AKAP10: variants seen among roughly 807,000 people sequenced by gnomAD.
AKAP10 encodes the protein A-kinase anchoring protein 10.
In AKAP10, 24 loss-of-function variants were observed where a neutral mutation model predicts 80.8. The ratio of observed to expected loss-of-function variants is 0.30; its 90% CI spans 0.22 to 0.42. The LOEUF (loss-of-function observed/expected upper bound fraction) is 0.42. Among genes scored for constraint, AKAP10 ranks in the 10% least tolerant of loss-of-function variants. The pLI is 1.00. For missense variants in AKAP10, 661 were observed against 794.9 expected, an observed-to-expected ratio of 0.83 and a Z score of 2.03; for synonymous variants, 291 against 277.7, an observed-to-expected ratio of 1.05 and a Z score of -0.48.
chr17:19,953,009 A>T (rs2043232486), intron 4 of AKAP10, among the ~76,000 whole-genome samples: 1 of 152,104 alleles, frequency 6.6e-6, no homozygotes, highest in Admixed American at 6.6e-5. Flanking sequence ...ACATTTTAAA[A>T]AATTTTTTAA....
chr17:19,938,031 T>A (rs1339221092), intron 8 of AKAP10, among the ~76,000 whole-genome samples: 2 of 150,000 alleles, frequency 1.3e-5, no homozygotes, highest in Non-Finnish European at 3.0e-5. Flanking sequence ...TTCAAGCAAT[T>A]CTCCTGCCTC....
chr17:19,917,241 G>A (rs2042754689), intron 12 of AKAP10, among the ~76,000 whole-genome samples: 1 of 151,838 alleles, frequency 6.6e-6, no homozygotes, highest in Non-Finnish European at 1.5e-5. Flanking sequence ...CTCCAGCCTG[G>A]CCGACAGAGA....
chr17:19,954,782 G>A (rs2043255160), intron 4 of AKAP10, among the ~76,000 whole-genome samples: 1 of 151,632 alleles, frequency 6.6e-6, no homozygotes, highest in South Asian at 2.1e-4. Context: ...CATAAGCCAT[G>A]GCACCTGGCC....
At chr17:19,956,223 T>C (rs56178618) in intron 4 of AKAP10, among the ~76,000 whole-genome samples, 1,883 of 152,164 alleles carry the variant, frequency 0.012, 37 homozygotes, top group African/African-American at 0.043. Flanking sequence ...ACCAGAAGGG[T>C]AGTGACCCAG....
Position 19,927,337 on chromosome 17 carries a change from AAAACAAAC to A in AKAP10, c.1642-2828_1642-2821del, listed in dbSNP as rs969231579. On this transcript the variant is annotated intron_variant, in intron 10 of 14. Transcript: ENST00000225737. ...CAGCAGAATGAGACCTTATCTTAAA[AAAACAAAC>A]AAACAAACAAACAAAAACCCACCTT... is the stretch of plus-strand genomic sequence containing the variant. Among the ~76,000 whole-genome samples, 5 of 152,006 alleles carry A rather than the reference AAAACAAAC, an allele frequency of 3.3e-5. No individual in the cohort carries two copies. In the South Asian group the frequency reaches 1.0e-3, roughly 32 times the overall value.
chr17:19,919,108 G>A (rs917810494), intron 12 of AKAP10, among the ~76,000 whole-genome samples: 22 of 144,606 alleles, frequency 1.5e-4, no homozygotes, highest in African/African-American at 5.5e-4. Flanking sequence ...CCCAGCGTGT[G>A]ATGTTCCCCA....
intron 14 of AKAP10, 100 bp from the exon 15 acceptor site, chr17:19,906,332 T>C: frequency 2.3e-6 from 3 of 1,309,282 alleles, no homozygotes; most frequent in South Asian, 1.3e-5. Flanking sequence ...GTGTTTACTA[T>C]ATACCAGAGT....
In AKAP10 at chr17:19,931,608, C is replaced by CT. The variant is rs200309511; in HGVS notation, c.1641+196dup. 2.6e-3 allele frequency among the ~76,000 whole-genome samples: 402 copies of CT among 152,180 alleles called. 1 individual carries two copies. The highest frequency in any genetic ancestry group is 9.2e-3 in the African/African-American group (381 of 41,524). ...GTTTCACCATGTCGGCCAGGCTGGT[C>CT]TCGAATTCCTGACCTCGTGTGATCC... On this transcript the variant is annotated intron_variant, in intron 10 of 14. Transcript: ENST00000225737.
intron 4 of AKAP10, among the ~76,000 whole-genome samples, chr17:19,949,801 G>A (rs796848759): frequency 6.6e-6 from 1 of 150,422 alleles, no homozygotes; most frequent in South Asian, 2.1e-4. Flanking sequence ...AAAAAACGGT[G>A]TTATTAAATC....
In AKAP10 at chr17:19,931,877, C is replaced by T. The variant is rs775608208; in HGVS notation, c.1569G>A (p.Ser523=). The T allele has an allele frequency of 9.9e-6, 16 of 1,613,972 alleles. No individual in the cohort carries two copies. The East Asian group carries it at 1.3e-4, about 13-fold the overall frequency. ...RGDEFLGGNV[S]LTAPGSVGPP... ...GGCCAACAGAGCCAGGAGCAGTCAG[C>T]GACACGTTCCCGCCCAGAAATTCAT... The change falls in exon 10 of 15, where the codon TCG becomes TCA. Residue 523 remains serine (S), a synonymous_variant. Coordinates refer to ENST00000225737, the MANE Select transcript of AKAP10 (RefSeq NM_007202.4).
At chr17:19,964,237 A>G (rs1199623350) in intron 2 of AKAP10, among the ~76,000 whole-genome samples, 1 of 152,232 alleles carries the variant, frequency 6.6e-6, no homozygotes, top group East Asian at 1.9e-4. Context: ...TATATAATGT[A>G]AAATGCTACT....
At chr17:19,972,984 C>A (rs116582624) in intron 1 of AKAP10, among the ~76,000 whole-genome samples, 1 of 151,920 alleles carries the variant, frequency 6.6e-6, no homozygotes, top group African/African-American at 2.4e-5. Context: ...ATACAACCCA[C>A]TACCTTTTGT....
chr17:19,913,973 G>A (rs541208972), intron 12 of AKAP10, among the ~76,000 whole-genome samples: 8 of 152,244 alleles, frequency 5.3e-5, no homozygotes, highest in Non-Finnish European at 7.4e-5. Context: ...CCACATAGAG[G>A]TAATATTCTA....
At chr17:19,929,838 G>A (rs203476) in intron 10 of AKAP10, 32,278 of 151,814 alleles carry the variant, frequency 0.21, 3,659 homozygotes, top group Middle Eastern at 0.29. Flanking sequence ...TTAGCCAGGT[G>A]TGGTTGCACA....
intron 5 of AKAP10, 28 bp from the exon 6 acceptor site, chr17:19,941,938 T>C (rs1567763127): frequency 1.2e-6 from 2 of 1,602,186 alleles, no homozygotes; most frequent in East Asian, 2.2e-5. Flanking sequence ...AATAATTAAA[T>C]TGCCACTAAA....
intron 12 of AKAP10, among the ~76,000 whole-genome samples, chr17:19,914,628 CAAAAAAAAAA>C (rs36071856): frequency 1.7e-5 from 1 of 58,514 alleles, no homozygotes; most frequent in Non-Finnish European, 3.3e-5. Context: ...GACCCTATCT[CAAAAAAAAAA>C]AAAAAAAAAA....
intron 12 of AKAP10, among the ~76,000 whole-genome samples, chr17:19,913,161 T>G (rs1350016028): frequency 6.7e-6 from 1 of 150,084 alleles, no homozygotes; most frequent in African/African-American, 2.4e-5. Flanking sequence ...TTGTTTTTTT[T>G]TTTTTTTTTT....
chr17:19,977,563 T>A, intron 1 of AKAP10, 29 bp downstream of exon 1: 1 of 1,231,752 alleles, frequency 8.1e-7, no homozygotes, highest in Non-Finnish European at 1.0e-6. Flanking sequence ...AGGCCCGGCC[T>A]GACTCCCCGC....
intron 14 of AKAP10, 40 bp from the exon 15 acceptor site, chr17:19,906,272 C>T: frequency 6.3e-7 from 1 of 1,591,644 alleles, no homozygotes; most frequent in South Asian, 1.1e-5. Context: ...AGGTGCATTT[C>T]TCTAACAAGT....
Sources: allele counts gnomAD v4.1 joint callset (sites outside exome capture counted in the v4.1 genomes callset), GRCh38; gene constraint gnomAD v4.1.1; transcripts MANE v1.5; gene names NCBI Gene and HGNC (gene_info 2026-07-23, HGNC 2026-07-21).